ERO1B: variants seen among roughly 807,000 people sequenced by gnomAD.
ERO1B encodes the protein ERO1-like protein beta.
ERO1B carries 49 observed loss-of-function variants against 75.3 expected under a neutral mutation model. The ratio of observed to expected loss-of-function variants is 0.65; its 90% confidence interval spans 0.52 to 0.83. ERO1B has a LOEUF of 0.83. Ranked by LOEUF, ERO1B falls within the 40% of genes least tolerant of loss-of-function variation. ERO1B has a pLI of 0.00. For missense variants in ERO1B, 512 were observed against 560.1 expected, an observed-to-expected ratio of 0.91 and a Z score of 0.87; for synonymous variants, 191 against 192.9, an observed-to-expected ratio of 0.99 and a Z score of 0.08.
At chr1:236,273,633 C>A (rs1217584506) in intron 1 of ERO1B, among the ~76,000 whole-genome samples, 1 of 151,648 alleles carries the variant, frequency 6.6e-6, no homozygotes, top group Non-Finnish European at 1.5e-5. Context: ...ATGGCAAAAC[C>A]CTGTCTCTAC....
intron 2 of ERO1B, among the ~76,000 whole-genome samples, chr1:236,254,747 G>C (rs1004793575): frequency 3.3e-5 from 5 of 151,856 alleles, no homozygotes; most frequent in African/African-American, 1.2e-4. Flanking sequence ...CAAGTAGCTG[G>C]GATTACAGGT....
chr1:236,258,159 A>AAAAAAAC (rs1665207866), intron 2 of ERO1B, among the ~76,000 whole-genome samples: 1 of 143,654 alleles, frequency 7.0e-6, no homozygotes, highest in South Asian at 2.2e-4. Flanking sequence ...CAAAAAAAAA[A>AAAAAAAC]AAAACCCAGC....
chr1:236,265,238 A>C (rs1665408571), intron 2 of ERO1B, among the ~76,000 whole-genome samples: 1 of 152,172 alleles, frequency 6.6e-6, no homozygotes, highest in South Asian at 2.1e-4. Flanking sequence ...TTAGGACTGA[A>C]ATCATCATGT....
At chr1:236,238,542 A>T (rs865923687) in intron 6 of ERO1B, among the ~76,000 whole-genome samples, 4,321 of 24,966 alleles carry the variant, frequency 0.17, 66 homozygotes, top group Non-Finnish European at 0.36. Context: ...TTTTTTTTTA[A>T]AAAAAAAAAG....
At chr1:236,235,935 T>C in intron 7 of ERO1B, 100 bp from the exon 8 acceptor site, 2 of 1,054,226 alleles carry the variant, frequency 1.9e-6, no homozygotes, top group Non-Finnish European at 2.8e-6. Flanking sequence ...CCACCCTCTT[T>C]TTTTTTTGAG....
chr1:236,280,766 C>T (rs904570105), intron 1 of ERO1B, among the ~76,000 whole-genome samples: 3 of 152,178 alleles, frequency 2.0e-5, no homozygotes, highest in Admixed American at 6.5e-5. Flanking sequence ...TGACATCTCC[C>T]CTCATCATCA....
At chr1:236,249,761 C>G in intron 5 of ERO1B, 124 bp downstream of exon 5, 1 of 659,534 alleles carries the variant, frequency 1.5e-6, no homozygotes, top group Non-Finnish European at 2.4e-6. Context: ...AAAACTTTTT[C>G]TTCCTTTTAA....
intron 6 of ERO1B, among the ~76,000 whole-genome samples, chr1:236,239,839 ATATATATATGTG>A (rs1664645035): frequency 1.7e-5 from 2 of 114,350 alleles, no homozygotes; most frequent in African/African-American, 3.5e-5. Flanking sequence ...ATATATGTGT[ATATATATATGTG>A]TATATATGTA....
At chr1:236,279,752 G>C (rs1665788426) in intron 1 of ERO1B, among the ~76,000 whole-genome samples, 1 of 149,984 alleles carries the variant, frequency 6.7e-6, no homozygotes, top group African/African-American at 2.4e-5. Context: ...AGCTGAGGCA[G>C]ACAGAATTGC....
intron 8 of ERO1B, among the ~76,000 whole-genome samples, chr1:236,234,675 A>G (rs1664495281): frequency 6.6e-6 from 1 of 152,216 alleles, no homozygotes; most frequent in South Asian, 2.1e-4. Flanking sequence ...GTGAGCATGA[A>G]AAAGCAGTCT....
intron 7 of ERO1B, 72 bp downstream of exon 7, chr1:236,236,206 C>A: frequency 1.3e-6 from 2 of 1,585,908 alleles, no homozygotes; most frequent in Admixed American, 1.7e-5. Flanking sequence ...GGATTACAGG[C>A]GTGAGCCACA....
At chr1:236,229,148 A>G (rs1664341693) in intron 10 of ERO1B, among the ~76,000 whole-genome samples, 1 of 152,230 alleles carries the variant, frequency 6.6e-6, no homozygotes, top group East Asian at 1.9e-4. Context: ...GAAATAGGCC[A>G]GGTATGGTGG....
intron 8 of ERO1B, among the ~76,000 whole-genome samples, chr1:236,233,512 T>A (rs1664466638): frequency 6.8e-6 from 1 of 146,530 alleles, no homozygotes; most frequent in South Asian, 2.2e-4. Flanking sequence ...GGCAGAGAAC[T>A]GCTTGAACCC....
intron 3 of ERO1B, among the ~76,000 whole-genome samples, chr1:236,252,612 C>T (rs895753193): frequency 6.6e-6 from 1 of 152,168 alleles, no homozygotes; most frequent in African/African-American, 2.4e-5. Context: ...GTAGCTGGAA[C>T]ATTCTTTTTC....
chr1:236,279,504 CAAAA>C (rs57596875), intron 1 of ERO1B, among the ~76,000 whole-genome samples: 7 of 78,540 alleles, frequency 8.9e-5, no homozygotes, highest in African/African-American at 2.0e-4. Context: ...GACTCCATCT[CAAAA>C]AAAAAAAAAA....
chr1:236,250,053 A>G (rs533044296), intron 4 of ERO1B, 86 bp from the exon 5 acceptor site: 57 of 795,874 alleles, frequency 7.2e-5, no homozygotes, highest in African/African-American at 6.7e-4. Context: ...ATCTGTCAAC[A>G]ATGATATACA....
chr1:236,249,351 G>A (rs1373868054), intron 5 of ERO1B, among the ~76,000 whole-genome samples: 1 of 151,986 alleles, frequency 6.6e-6, no homozygotes, highest in African/African-American at 2.4e-5. Flanking sequence ...AATCAAATGG[G>A]AATGTAAAGG....
chr1:236,230,032 G>GT (rs1664363649), intron 10 of ERO1B, among the ~76,000 whole-genome samples, 192 bp downstream of exon 10: 1 of 152,030 alleles, frequency 6.6e-6, no homozygotes, highest in Admixed American at 6.6e-5. Flanking sequence ...TATAAACCTG[G>GT]TTTTTAGCTG....
chr1:236,225,478 A>C (rs1367220941), intron 12 of ERO1B, among the ~76,000 whole-genome samples: 3 of 152,212 alleles, frequency 2.0e-5, no homozygotes, highest in African/African-American at 4.8e-5. Flanking sequence ...TACTTTAAAC[A>C]CTTTTTAATC....
Sources: allele counts gnomAD v4.1 joint callset (sites outside exome capture counted in the v4.1 genomes callset), GRCh38; gene constraint gnomAD v4.1.1; transcripts MANE v1.5; gene names NCBI Gene and HGNC (gene_info 2026-07-23, HGNC 2026-07-21).